The following THSD7B variants were observed in gnomAD, a reference collection of about 807,000 sequenced individuals.
THSD7B encodes the protein thrombospondin type-1 domain-containing protein 7B.
THSD7B carries 138 observed loss-of-function variants against 213.6 expected under a neutral mutation model. The ratio of observed to expected loss-of-function variants is 0.65; its 90% CI spans 0.56 to 0.74. THSD7B has a LOEUF of 0.74. THSD7B is among the 30% of genes least tolerant of loss of function. The pLI is 0.00. For synonymous variants in THSD7B, 742 were observed against 687.0 expected (o/e 1.08, Z -1.25); for missense variants, 1,931 against 1,991.5 (o/e 0.97, Z 0.58).
At chr2:137,100,882 C>T (rs1213884134) in intron 4 of THSD7B, among the ~76,000 whole-genome samples, 1 of 144,880 alleles carries the variant, frequency 6.9e-6, no homozygotes, top group Non-Finnish European at 1.5e-5. Flanking sequence ...ATGCTGCATC[C>T]AGCTTTCCAG....
At position 136,802,638 on chromosome 2, in the gene THSD7B, T is replaced by TA. The variant is rs1491125150; in HGVS notation, c.-36+36951_-36+36952insA. Among the ~76,000 whole-genome samples, 221 of 104,660 alleles carry TA rather than the reference T, an allele frequency of 2.1e-3. 1 individual carries two copies. The highest frequency in any genetic ancestry group is 7.3e-3 in the African/African-American group (197 of 27,128). 68.7% of individuals were successfully genotyped at this position (104,660 alleles called of 152,430 possible). A position where few individuals can be genotyped will look rare whatever the true frequency, so the allele number is the denominator to read the frequency against. On this transcript the variant is annotated intron_variant, in intron 1 of 27. Coordinates refer to ENST00000409968, the MANE Select transcript of THSD7B (RefSeq NM_001316349.2). Reference sequence around the variant, plus strand: ...CTTTAAAAATAATTTATGAATTAAGTTTATATATATATATATATATATATA... The same window carrying TA: ...CTTTAAAAATAATTTATGAATTAAGTATTATATATATATATATATATATATA...
At chr2:137,526,201 C>T (rs765800974) in intron 15 of THSD7B, among the ~76,000 whole-genome samples, 3 of 152,078 alleles carry the variant, frequency 2.0e-5, no homozygotes, top group African/African-American at 2.4e-5. Context: ...GGTACATTCC[C>T]TTCCTTTTCA....
At position 137,252,911 on chromosome 2, in the gene THSD7B, CTTTTTT is replaced by C. The variant is rs754932566; in HGVS notation, c.2266+10359_2266+10364del. Among the ~76,000 whole-genome samples the C allele has an allele frequency of 7.4e-5, 6 of 80,672 alleles. No homozygotes were observed. The South Asian group carries it at 1.7e-3, about 22-fold the overall frequency. 52.9% of individuals were successfully genotyped at this position (80,672 alleles called of 152,430 possible). On this transcript the variant is annotated intron_variant, in intron 10 of 27. Transcript: ENST00000409968. The stretch of plus-strand genomic sequence containing the variant: ...GCATGTTTCCAATAGAAAAGGCTTG[CTTTTTT>C]TTTTTTTTTTTTTTTTTTTACTTCA...
rs765782357 is a variant in THSD7B at position 137,655,451 on chromosome 2, T to C, written c.3946-50T>C. On this transcript the variant is annotated intron_variant, in intron 21 of 27. Coordinates refer to ENST00000409968, the MANE Select transcript of THSD7B (RefSeq NM_001316349.2). The stretch of plus-strand genomic sequence containing the variant: ...CAAGAGGTGGCAAGAGCCAAAACTT[T>C]GAGATGTGAATTATTTGGGTAATTG... The C allele has an allele frequency of 2.6e-6, 4 of 1,549,994 alleles. No homozygotes were observed. In the South Asian group the frequency reaches 4.8e-5, roughly 19 times the overall value.
At chr2:137,293,521 T>G (rs926347133) in intron 12 of THSD7B, among the ~76,000 whole-genome samples, 24 of 152,046 alleles carry the variant, frequency 1.6e-4, no homozygotes, top group African/African-American at 5.3e-4. Context: ...TCTTTCTATC[T>G]CTATCTTTCT....
intron 3 of THSD7B, among the ~76,000 whole-genome samples, chr2:137,087,009 G>A (rs375748988): frequency 1.3e-5 from 2 of 151,988 alleles, no homozygotes; most frequent in South Asian, 4.1e-4. Flanking sequence ...CCCACTAATT[G>A]GGAAATGAAT....
chr2:137,189,983 C>G (rs986739318), intron 7 of THSD7B, among the ~76,000 whole-genome samples: 3 of 152,068 alleles, frequency 2.0e-5, no homozygotes, highest in South Asian at 4.1e-4. Flanking sequence ...ATTTTAAGTA[C>G]CATCTAGTTC....
At chr2:136,887,224 T>A (rs1683733566) in intron 2 of THSD7B, among the ~76,000 whole-genome samples, 1 of 152,024 alleles carries the variant, frequency 6.6e-6, no homozygotes, top group Non-Finnish European at 1.5e-5. Flanking sequence ...ATTTTGCAAG[T>A]GAGCTTATAA....
chr2:136,972,846 G>T (rs2104800949), intron 2 of THSD7B, among the ~76,000 whole-genome samples: 1 of 152,146 alleles, frequency 6.6e-6, no homozygotes, highest in East Asian at 1.9e-4. Context: ...ACCTTTTTGG[G>T]GGTGTGGGGG....
At chr2:137,354,185 A>G (rs1394718717) in intron 12 of THSD7B, among the ~76,000 whole-genome samples, 1 of 152,014 alleles carries the variant, frequency 6.6e-6, no homozygotes, top group Non-Finnish European at 1.5e-5. Flanking sequence ...TGAACTTATT[A>G]GCTTCTTAAG....
intron 15 of THSD7B, among the ~76,000 whole-genome samples, chr2:137,483,037 A>G (rs1688342742): frequency 6.6e-6 from 1 of 152,192 alleles, no homozygotes; most frequent in African/African-American, 2.4e-5. Flanking sequence ...TCGTGAGGGT[A>G]TGTTCTGTCT....
intron 15 of THSD7B, among the ~76,000 whole-genome samples, chr2:137,484,683 T>C (rs1688388281): frequency 1.8e-5 from 1 of 54,772 alleles, no homozygotes; most frequent in South Asian, 7.8e-4. Context: ...CCAGCACCTG[T>C]TGTTTCCTGA....
intron 15 of THSD7B, 25 bp downstream of exon 15, chr2:137,451,048 A>T: frequency 6.7e-7 from 1 of 1,502,618 alleles, no homozygotes; most frequent in South Asian, 1.3e-5. Flanking sequence ...GCAACAAATA[A>T]AAAGCTAAAA....
intron 2 of THSD7B, among the ~76,000 whole-genome samples, chr2:136,941,878 T>C (rs1204372676): frequency 6.6e-6 from 1 of 152,210 alleles, no homozygotes; most frequent in Admixed American, 6.5e-5. Flanking sequence ...ATTTTGGCTT[T>C]TGTTGCCATT....
intron 2 of THSD7B, among the ~76,000 whole-genome samples, chr2:136,935,321 C>T (rs1334296777): frequency 6.6e-6 from 1 of 152,082 alleles, no homozygotes; most frequent in Non-Finnish European, 1.5e-5. Context: ...TTTTCTGAGC[C>T]TCAGTTTTTT....
chr2:137,610,194 C>T (rs537090906), intron 17 of THSD7B, among the ~76,000 whole-genome samples: 7 of 151,876 alleles, frequency 4.6e-5, no homozygotes, highest in African/African-American at 1.5e-4. Context: ...ATCCAAACCC[C>T]GAAGTAGATT....
chr2:136,905,788 G>A (rs1684150300), intron 2 of THSD7B, among the ~76,000 whole-genome samples: 1 of 152,200 alleles, frequency 6.6e-6, no homozygotes, highest in African/African-American at 2.4e-5. Flanking sequence ...AAAATTGAGG[G>A]AGCATGTGGT....
intron 1 of THSD7B, 84 bp downstream of exon 1, chr2:136,765,771 G>T (rs1267319908): frequency 6.6e-6 from 1 of 152,246 alleles, no homozygotes. Context: ...CAGCGCCGGG[G>T]AAGGGGGCGC....
intron 7 of THSD7B, among the ~76,000 whole-genome samples, chr2:137,210,744 A>G (rs1427945802): frequency 6.6e-6 from 1 of 151,962 alleles, no homozygotes; most frequent in Non-Finnish European, 1.5e-5. Flanking sequence ...GAGTTTTGAC[A>G]TTTCTCTTGT....
Sources: allele counts gnomAD v4.1 joint callset (sites outside exome capture counted in the v4.1 genomes callset), GRCh38; gene constraint gnomAD v4.1.1; transcripts MANE v1.5; gene names NCBI Gene and HGNC (gene_info 2026-07-23, HGNC 2026-07-21).